SDCCAG8: variants seen among roughly 807,000 people sequenced by gnomAD.
SDCCAG8 encodes SHH signaling and ciliogenesis regulator SDCCAG8.
In SDCCAG8, 74 loss-of-function variants were observed where a neutral mutation model predicts 101.8. The ratio of observed to expected loss-of-function variants is 0.73; its 90% CI spans 0.60 to 0.88. The LOEUF (loss-of-function observed/expected upper bound fraction) is 0.88. Among genes scored for constraint, SDCCAG8 ranks in the 40% least tolerant of loss-of-function variants. SDCCAG8 has a pLI of 0.00. For missense variants in SDCCAG8, 787 were observed against 822.6 expected (o/e 0.96, Z 0.53); for synonymous variants, 281 against 292.9 (o/e 0.96, Z 0.41).
At chr1:243,297,976 TAA>T (rs746525732) in intron 6 of SDCCAG8, among the ~76,000 whole-genome samples, 1 of 152,090 alleles carries the variant, frequency 6.6e-6, no homozygotes. Flanking sequence ...TATGTCCTTT[TAA>T]AAAAGTTTTT....
intron 10 of SDCCAG8, 24 bp downstream of exon 10, chr1:243,330,716 C>T (rs775271565): frequency 1.2e-6 from 2 of 1,613,148 alleles, no homozygotes; most frequent in Non-Finnish European, 8.5e-7. Context: ...CTGCTGTTAT[C>T]CACATTGCAG....
In SDCCAG8 at chr1:243,283,773, C is replaced by G. The variant is rs1030481536; in HGVS notation, c.421-2499C>G. On this transcript the variant is annotated intron_variant, in intron 4 of 17. Transcript: ENST00000366541. ...TTATTTATTTTGAGACGGAGTCTCA[C>G]TCTGTTGCCCAGGCTCAAGTGCAGT... Among the ~76,000 whole-genome samples the G allele has an allele frequency of 4.6e-5, 7 of 152,234 alleles. No homozygotes were observed. In the East Asian group the frequency reaches 9.7e-4, roughly 21 times the overall value.
At chr1:243,298,812 G>T (rs944680469) in intron 6 of SDCCAG8, among the ~76,000 whole-genome samples, 11 of 152,148 alleles carry the variant, frequency 7.2e-5, no homozygotes, top group African/African-American at 2.7e-4. Context: ...ACTGGACTGT[G>T]TTTTAGTTAA....
chr1:243,382,906 AGAGGATCT>A (rs1239266032), intron 13 of SDCCAG8, among the ~76,000 whole-genome samples: 2 of 152,204 alleles, frequency 1.3e-5, no homozygotes, highest in African/African-American at 4.8e-5. Context: ...CAAATTGACT[AGAGGATCT>A]GTTAAGCCAA....
At chr1:243,417,898 A>T in intron 14 of SDCCAG8, 70 bp from the exon 15 acceptor site, 1 of 1,093,480 alleles carries the variant, frequency 9.1e-7, no homozygotes, top group Non-Finnish European at 1.4e-6. Context: ...TTACCACTCT[A>T]TGTATGGAAG....
intron 4 of SDCCAG8, among the ~76,000 whole-genome samples, chr1:243,282,971 C>G (rs1038580430): frequency 1.3e-5 from 2 of 151,964 alleles, no homozygotes; most frequent in Non-Finnish European, 2.9e-5. Context: ...CTCAGCCTCC[C>G]GAGTAGCTGG....
At chr1:243,492,468 A>T (rs1267659546) in intron 17 of SDCCAG8, among the ~76,000 whole-genome samples, 10 of 149,578 alleles carry the variant, frequency 6.7e-5, no homozygotes, top group Admixed American at 1.3e-4. Flanking sequence ...CACCTAGCTA[A>T]TTTTTTTGTA....
intron 10 of SDCCAG8, 131 bp from the exon 11 acceptor site, chr1:243,340,908 A>G: frequency 1.1e-6 from 1 of 894,914 alleles, no homozygotes; most frequent in Non-Finnish European, 1.8e-6. Flanking sequence ...AGAAAAATGA[A>G]CATACCCAAT....
chr1:243,270,201 G>T lies in SDCCAG8; in HGVS notation c.164G>T (p.Ser55Ile), dbSNP rs1257193759. 1.2e-6 allele frequency: 2 copies of T among 1,614,152 alleles called. No individual in the cohort carries two copies. Among genetic ancestry groups the T allele is most frequent in the Non-Finnish European group, 1.7e-6 (2 of 1,180,020 alleles). The stretch of plus-strand genomic sequence containing the variant: ...GCACCAAATCTTTCTTTTAGCACCA[G>T]TGTGGGAAATGAGGACGCCAGGACA... ...EDAPNLSFST[S>I]VGNEDARTAW... The change falls in exon 2 of 18, where the codon AGT becomes ATT. Residue 55 changes from serine to isoleucine, a missense_variant. Coordinates refer to ENST00000366541, the MANE Select transcript of SDCCAG8 (RefSeq NM_006642.5).
rs1301406531 is a variant in SDCCAG8, at chr1:243,458,728, C to A, written c.1986-30286C>A. The stretch of plus-strand genomic sequence containing the variant: ...TTGAAGAATCTTAGCAATATTTTAG[C>A]TCCCATAATAGTAAAAATTTTTAGA... On this transcript the variant is annotated intron_variant, in intron 16 of 17. Coordinates refer to ENST00000366541, the MANE Select transcript of SDCCAG8 (RefSeq NM_006642.5). The surrounding 1 kb of genome is among the most constrained non-coding windows in gnomAD (Gnocchi z 4.5). Among the ~76,000 whole-genome samples, 4 of 152,198 alleles carry A rather than the reference C, an allele frequency of 2.6e-5. No individual in the cohort carries two copies. Among genetic ancestry groups the A allele is most frequent in the Non-Finnish European group, 5.9e-5 (4 of 68,032 alleles).
At chr1:243,480,068 A>G (rs913270257) in intron 16 of SDCCAG8, among the ~76,000 whole-genome samples, 1 of 151,324 alleles carries the variant, frequency 6.6e-6, no homozygotes, top group East Asian at 2.0e-4. Flanking sequence ...CCCATTTCCA[A>G]GTTCAGCACT....
chr1:243,266,770 T>C lies in SDCCAG8; in HGVS notation c.68-3335T>C, dbSNP rs1224655536. On this transcript the variant is annotated intron_variant, in intron 1 of 17. Transcript: ENST00000366541. ...AATACAAAAGTATTTGTCTCTATTA[T>C]AAATACAAAAAAAAAAAAAGAAATT... 2.9e-4 allele frequency among the ~76,000 whole-genome samples: 8 copies of C among 27,268 alleles called. No individual in the cohort carries two copies. In the South Asian group the frequency reaches 4.7e-3, roughly 16 times the overall value. The allele number at this position is 27,268 out of a possible 152,430, so 17.9% of individuals were successfully genotyped here.
intron 8 of SDCCAG8, among the ~76,000 whole-genome samples, chr1:243,311,395 T>C (rs924374269): frequency 6.6e-6 from 1 of 152,094 alleles, no homozygotes; most frequent in Non-Finnish European, 1.5e-5. Flanking sequence ...GGTTCATAGA[T>C]ATGCACAGAA....
At chr1:243,488,900 A>C in intron 16 of SDCCAG8, 114 bp from the exon 17 acceptor site, 1 of 1,484,018 alleles carries the variant, frequency 6.7e-7, no homozygotes, top group Non-Finnish European at 9.3e-7. Context: ...GGGTCACCCT[A>C]GGCGTCCTGC....
At chr1:243,349,591 G>A (rs1217807310) in intron 12 of SDCCAG8, among the ~76,000 whole-genome samples, 1 of 151,996 alleles carries the variant, frequency 6.6e-6, no homozygotes, top group Non-Finnish European at 1.5e-5. Context: ...AATAACAATG[G>A]TTTTAGAGTA....
chr1:243,490,865 G>A (rs1666233735), intron 17 of SDCCAG8, among the ~76,000 whole-genome samples: 1 of 152,222 alleles, frequency 6.6e-6, no homozygotes, highest in African/African-American at 2.4e-5. Flanking sequence ...CCAGCCCTGT[G>A]GGCAGGTCCC....
chr1:243,496,365 A>G (rs960618116), intron 17 of SDCCAG8, among the ~76,000 whole-genome samples: 1 of 152,196 alleles, frequency 6.6e-6, no homozygotes, highest in Non-Finnish European at 1.5e-5. Context: ...CAAGCGAGGC[A>G]GGGGCTGCCC....
chr1:243,455,048 A>G (rs61833165), intron 16 of SDCCAG8, among the ~76,000 whole-genome samples: 8,806 of 152,326 alleles, frequency 0.058, 341 homozygotes, highest in Non-Finnish European at 0.08. Flanking sequence ...TACACTACTT[A>G]TGATTAAAAT....
intron 12 of SDCCAG8, among the ~76,000 whole-genome samples, chr1:243,368,625 G>A (rs1300713393): frequency 2.6e-5 from 4 of 152,146 alleles, no homozygotes; most frequent in Non-Finnish European, 4.4e-5. Flanking sequence ...GTAAGTCATT[G>A]AGCACCATTC....
Sources: allele counts gnomAD v4.1 joint callset (sites outside exome capture counted in the v4.1 genomes callset), GRCh38; gene constraint gnomAD v4.1.1; non-coding constraint Gnocchi (gnomAD v3.1); transcripts MANE v1.5; gene names NCBI Gene and HGNC (gene_info 2026-07-23, HGNC 2026-07-21).